The following CDH4 variants were observed in gnomAD, a reference collection of about 807,000 sequenced individuals.
CDH4 encodes cadherin-4.
Under a neutral mutation model 86.0 loss-of-function variants are expected in CDH4, and 33 were observed. That is an observed-to-expected ratio of 0.38 (90% confidence interval 0.29 to 0.51). CDH4 has a LOEUF of 0.51. Among genes scored for constraint, CDH4 ranks in the 20% least tolerant of loss-of-function variants. The pLI is 0.86. For missense variants in CDH4, 1,114 were observed against 1,307.4 expected, an observed-to-expected ratio of 0.85 and a Z score of 2.28; for synonymous variants, 555 against 549.4, an observed-to-expected ratio of 1.01 and a Z score of -0.14.
intron 2 of CDH4, among the ~76,000 whole-genome samples, chr20:61,716,315 C>T (rs141840536): frequency 0.024 from 3,487 of 146,126 alleles, 217 homozygotes; most frequent in African/African-American, 0.089. Context: ...ACTCCTCACC[C>T]ATGAGCTGCC....
intron 2 of CDH4, among the ~76,000 whole-genome samples, chr20:61,615,916 G>A (rs962151909): frequency 6.6e-6 from 1 of 152,152 alleles, no homozygotes; most frequent in South Asian, 2.1e-4. Flanking sequence ...CCTCGCTGCT[G>A]GCTGGATTTT....
intron 6 of CDH4, among the ~76,000 whole-genome samples, chr20:61,853,373 C>T (rs564987682): frequency 5.9e-5 from 9 of 152,226 alleles, no homozygotes; most frequent in Admixed American, 1.3e-4. Context: ...CCCAGCTAAA[C>T]GTAAGATTTG....
intron 2 of CDH4, chr20:61,738,828 C>A (rs575370370): frequency 6.6e-6 from 1 of 152,248 alleles, no homozygotes; most frequent in African/African-American, 2.4e-5. Context: ...CAATCCCGCT[C>A]CTCCTCTCAC....
chr20:61,846,569 G>A (rs1982466174), intron 5 of CDH4, among the ~76,000 whole-genome samples: 1 of 152,064 alleles, frequency 6.6e-6, no homozygotes, highest in Non-Finnish European at 1.5e-5. Flanking sequence ...CACAGAGAGA[G>A]ACATAGGAGA....
At position 61,933,131 on chromosome 20, in the gene CDH4, C is replaced by T. The variant is rs1286242978; in HGVS notation, c.2379+7C>T. 6.2e-7 allele frequency: 1 copy of T among 1,610,930 alleles called. No individual in the cohort carries two copies. The highest frequency in any genetic ancestry group is 8.5e-7 in the Non-Finnish European group (1 of 1,178,628). ...CGGTGGCGAGGAGGACCAGGTGAGACTGCGGCCCGCCCCCGCCTCCCCACG... is the reference window on the plus strand; with the variant it reads ...CGGTGGCGAGGAGGACCAGGTGAGATTGCGGCCCGCCCCCGCCTCCCCACG... On this transcript the variant is annotated splice_region_variant and intron_variant, in intron 14 of 15. Coordinates refer to ENST00000614565, the MANE Select transcript of CDH4 (RefSeq NM_001794.5).
intron 2 of CDH4, among the ~76,000 whole-genome samples, chr20:61,666,336 C>G (rs1248073798): frequency 1.3e-5 from 2 of 152,212 alleles, no homozygotes; most frequent in Non-Finnish European, 2.9e-5. Context: ...TGAAGAAAAG[C>G]TGCTAAGTGA....
chr20:61,895,712 C>T (rs1985073050), intron 8 of CDH4, among the ~76,000 whole-genome samples: 1 of 152,214 alleles, frequency 6.6e-6, no homozygotes, highest in Non-Finnish European at 1.5e-5. Flanking sequence ...GCCACTGCGC[C>T]GACAGACATT....
At chr20:61,569,533 C>T (rs62199247) in intron 2 of CDH4, among the ~76,000 whole-genome samples, 2,726 of 152,272 alleles carry the variant, frequency 0.018, 39 homozygotes, top group Non-Finnish European at 0.029. Context: ...TTATGGATAT[C>T]ACACCTGTTG....
chr20:61,804,493 TG>T (rs1363729291), intron 4 of CDH4, among the ~76,000 whole-genome samples: 1 of 152,224 alleles, frequency 6.6e-6, no homozygotes, highest in Non-Finnish European at 1.5e-5. Flanking sequence ...GCAGCTCTGC[TG>T]TCTGGACCTC....
intron 2 of CDH4, among the ~76,000 whole-genome samples, chr20:61,572,874 CAG>C (rs1249051793): frequency 7.8e-6 from 1 of 127,868 alleles, no homozygotes; most frequent in Admixed American, 7.6e-5. Context: ...GATGGACAGA[CAG>C]AGGGAGAGAT....
At chr20:61,581,358 C>T (rs1047320418) in intron 2 of CDH4, among the ~76,000 whole-genome samples, 4 of 152,212 alleles carry the variant, frequency 2.6e-5, no homozygotes, top group Non-Finnish European at 5.9e-5. Flanking sequence ...CACTGGGCTA[C>T]AGCCAGAGGG....
At chr20:61,781,575 AT>A (rs1466371439) in intron 4 of CDH4, among the ~76,000 whole-genome samples, 3 of 152,248 alleles carry the variant, frequency 2.0e-5, no homozygotes, top group Non-Finnish European at 4.4e-5. Flanking sequence ...GATCAATACA[AT>A]TATCCAGCCT....
At chr20:61,271,143 A>G (rs1380701023) in intron 2 of CDH4, among the ~76,000 whole-genome samples, 3 of 151,996 alleles carry the variant, frequency 2.0e-5, no homozygotes, top group South Asian at 2.1e-4. Context: ...AGATTTTGGA[A>G]CTCTCCAGGG....
intron 2 of CDH4, among the ~76,000 whole-genome samples, chr20:61,474,225 A>G (rs1040265042): frequency 3.1e-5 from 4 of 129,854 alleles, no homozygotes; most frequent in African/African-American, 1.2e-4. Flanking sequence ...CAGTGGCGCA[A>G]TCTTGGCTCA....
At chr20:61,746,745 G>C (rs2088419285) in intron 3 of CDH4, among the ~76,000 whole-genome samples, 1 of 152,260 alleles carries the variant, frequency 6.6e-6, no homozygotes, top group South Asian at 2.1e-4. Flanking sequence ...TGAGGTTATG[G>C]AGGTCAGGAG....
chr20:61,865,882 C>T (rs1345162134), intron 6 of CDH4, among the ~76,000 whole-genome samples: 1 of 151,708 alleles, frequency 6.6e-6, no homozygotes, highest in Non-Finnish European at 1.5e-5. Context: ...AGCTGGCTTC[C>T]TGGCTGGTTA....
rs369032906 is a variant in CDH4 at position 61,933,155 on chromosome 20, C to G, written c.2379+31C>G. 5.6e-6 allele frequency: 9 copies of G among 1,605,272 alleles called. No individual in the cohort carries two copies. The East Asian group carries it at 8.9e-5, about 16-fold the overall frequency. On this transcript the variant is annotated intron_variant, in intron 14 of 15. Coordinates refer to ENST00000614565, the MANE Select transcript of CDH4 (RefSeq NM_001794.5). ...ACTGCGGCCCGCCCCCGCCTCCCCA[C>G]GCGAGGCCGGCTCTCACGTGTACTA...
intron 4 of CDH4, among the ~76,000 whole-genome samples, chr20:61,799,319 A>T (rs1979710448): frequency 6.6e-6 from 1 of 152,224 alleles, no homozygotes; most frequent in Non-Finnish European, 1.5e-5. Context: ...TCCAGGAGAA[A>T]AAGGTTAAAT....
chr20:61,714,473 T>G (rs868546307), intron 2 of CDH4, among the ~76,000 whole-genome samples: 14 of 152,158 alleles, frequency 9.2e-5, no homozygotes, highest in Middle Eastern at 3.4e-3. Flanking sequence ...TTTGGTGACA[T>G]GGATGAATTG....
Sources: gnomAD v4.1 joint callset for allele counts (sites outside exome capture counted in the v4.1 genomes callset) on GRCh38, gnomAD v4.1.1 for gene constraint, MANE v1.5 for transcripts, NCBI Gene and HGNC (gene_info 2026-07-23, HGNC 2026-07-21) for gene names.